The following SLC67A1 variants were observed in gnomAD, a reference collection of about 807,000 sequenced individuals.
SLC67A1 encodes the protein solute carrier family 67 member 1.
chr11:2,902,687 G>T, the SLC67A1 span: 1 of 985,530 alleles, frequency 1.0e-6, no homozygotes. Flanking sequence ...GGGCGGGGAA[G>T]GGTGGGGACA....
At chr11:2,900,421 G>A in the SLC67A1 span, among the ~76,000 whole-genome samples, 1,537 of 152,088 alleles carry the variant, frequency 0.01, 30 homozygotes, top group African/African-American at 0.034. Flanking sequence ...GGCTGGGCGC[G>A]GTGGCTCACG....
chr11:2,900,195 C>G, the SLC67A1 span, among the ~76,000 whole-genome samples: 44 of 152,228 alleles, frequency 2.9e-4, no homozygotes, highest in African/African-American at 9.9e-4. Context: ...TGAAAACGAG[C>G]TTGGCAGAGG....
chr11:2,909,902 T>G, the SLC67A1 span: 2 of 574,016 alleles, frequency 3.5e-6, no homozygotes. Context: ...TGGCCCTGGA[T>G]AGGGCCAGGT....
chr11:2,918,295 T>G, the SLC67A1 span, among the ~76,000 whole-genome samples: 9 of 152,352 alleles, frequency 5.9e-5, no homozygotes, highest in Admixed American at 5.9e-4. Flanking sequence ...GATCCCAGGG[T>G]GGGCCCCCAC....
chr11:2,912,716 G>T, the SLC67A1 span, among the ~76,000 whole-genome samples: 1 of 152,200 alleles, frequency 6.6e-6, no homozygotes, highest in Non-Finnish European at 1.5e-5. Flanking sequence ...GAGGGACCCG[G>T]GACCTGAGTC....
the SLC67A1 span, among the ~76,000 whole-genome samples, chr11:2,914,526 G>GCAGC: frequency 3.3e-5 from 5 of 152,160 alleles, no homozygotes; most frequent in Non-Finnish European, 5.9e-5. Context: ...GTCTCCCCCA[G>GCAGC]CAGCCACCCA....
At chr11:2,901,816 G>A in the SLC67A1 span, among the ~76,000 whole-genome samples, 1 of 152,188 alleles carries the variant, frequency 6.6e-6, no homozygotes, top group East Asian at 1.9e-4. Context: ...CAGACCTTTG[G>A]CAGGGCCAGG....
the SLC67A1 span, chr11:2,909,475 G>C: frequency 7.0e-7 from 1 of 1,438,690 alleles, no homozygotes; most frequent in South Asian, 1.4e-5. Context: ...GGCTGGACGG[G>C]GGTGGGGGGC....
the SLC67A1 span, among the ~76,000 whole-genome samples, chr11:2,923,341 TCA>T: frequency 1.7e-3 from 219 of 126,440 alleles, no homozygotes; most frequent in Admixed American, 5.6e-3. This position sits in a 1 kb window ranked among gnomAD's most constrained non-coding sequence, Gnocchi z 6.5. Flanking sequence ...ATCCAGAAAC[TCA>T]GGGCACACAT....
At chr11:2,902,157 G>C in the SLC67A1 span, 1 of 152,250 alleles carries the variant, frequency 6.6e-6, no homozygotes, top group Admixed American at 6.5e-5. Context: ...CGGCCAGTGA[G>C]AGCGCAGAAA....
chr11:2,908,328 C>A, the SLC67A1 span: 1 of 1,610,704 alleles, frequency 6.2e-7, no homozygotes, highest in Non-Finnish European at 8.5e-7. Flanking sequence ...CGGTATTTGG[C>A]AGGTACAGTG....
chr11:2,902,487 C>G, the SLC67A1 span: 2 of 699,774 alleles, frequency 2.9e-6, no homozygotes, highest in African/African-American at 1.9e-5. Flanking sequence ...CTGCTCCCCC[C>G]AGCCTCCCTG....
chr11:2,920,490 G>A, the SLC67A1 span: 1 of 152,376 alleles, frequency 6.6e-6, no homozygotes, highest in Non-Finnish European at 1.5e-5. Context: ...TGGGGGACTT[G>A]GGCCTGCCAT....
At chr11:2,902,326 C>G in the SLC67A1 span, 7 of 152,570 alleles carry the variant, frequency 4.6e-5, no homozygotes, top group East Asian at 1.4e-3. Context: ...GCGCTCACCC[C>G]ACCGGCACCC....
chr11:2,900,402 G>A, the SLC67A1 span, among the ~76,000 whole-genome samples: 3 of 151,944 alleles, frequency 2.0e-5, no homozygotes, highest in South Asian at 6.2e-4. Context: ...CAAAGATATG[G>A]GGGAAACAGG....
the SLC67A1 span, among the ~76,000 whole-genome samples, chr11:2,918,547 C>A: frequency 2.6e-4 from 40 of 152,330 alleles, no homozygotes; most frequent in Non-Finnish European, 5.0e-4. Flanking sequence ...CCCTCAGAAG[C>A]CCCGCCTGGA....
At chr11:2,924,210 A>G in the SLC67A1 span, among the ~76,000 whole-genome samples, 1 of 152,234 alleles carries the variant, frequency 6.6e-6, no homozygotes, top group Non-Finnish European at 1.5e-5. The surrounding 1 kb of genome is among the most constrained non-coding windows in gnomAD (Gnocchi z 8.6). Flanking sequence ...ATGCGGTGTC[A>G]GGGACAGAGC....
chr11:2,919,392 C>T, the SLC67A1 span: 24 of 1,613,408 alleles, frequency 1.5e-5, no homozygotes, highest in East Asian at 2.2e-5. Context: ...TGTCCTTCTT[C>T]GGGCTCCTCC....
chr11:2,905,198 T>C, the SLC67A1 span, among the ~76,000 whole-genome samples: 8 of 152,216 alleles, frequency 5.3e-5, no homozygotes, highest in East Asian at 1.5e-3. Context: ...GAGACGGTCA[T>C]GGGCTGGGCT....
Sources: allele counts gnomAD v4.1 joint callset (sites outside exome capture counted in the v4.1 genomes callset), GRCh38; gene constraint gnomAD v4.1.1; non-coding constraint Gnocchi (gnomAD v3.1); transcripts MANE v1.5; gene names NCBI Gene and HGNC (gene_info 2026-07-23, HGNC 2026-07-21).